NT5C1B: variants seen among roughly 807,000 people sequenced by gnomAD.
NT5C1B encodes the protein 5'-nucleotidase, cytosolic IB.
A neutral mutation model predicts 57.8 loss-of-function variants in NT5C1B; 44 were observed. That is an observed-to-expected ratio of 0.76 (90% CI 0.60 to 0.98). The LOEUF (loss-of-function observed/expected upper bound fraction) is 0.98. NT5C1B is among the 50% of genes least tolerant of loss of function. The probability of loss-of-function intolerance (pLI) is 0.00; values close to 1 mark genes in which losing one functional copy is unlikely to be tolerated. For missense variants in NT5C1B, 742 were observed against 719.5 expected (o/e 1.03, Z -0.36); for synonymous variants, 284 against 282.6 (o/e 1.00, Z -0.05).
intron 8 of NT5C1B, among the ~76,000 whole-genome samples, chr2:18,568,580 C>T (rs907983008): frequency 3.3e-5 from 5 of 152,058 alleles, no homozygotes; most frequent in South Asian, 2.1e-4. Context: ...ATTTACTAGA[C>T]GGTATTTAAT....
chr2:18,580,153 G>A (rs1666055430), intron 6 of NT5C1B, among the ~76,000 whole-genome samples: 1 of 152,152 alleles, frequency 6.6e-6, no homozygotes, highest in African/African-American at 2.4e-5. Context: ...GTGAGGTTGT[G>A]GTTAAAAACG....
chr2:18,584,154 G>A lies in NT5C1B; in HGVS notation c.825C>T (p.Tyr275=). ...TCTCATTGGTGAGCTGATACTCCATGTACTTTTCCAGACCCTCTTGCTCGT... is the reference window on the plus strand; with the variant it reads ...TCTCATTGGTGAGCTGATACTCCATATACTTTTCCAGACCCTCTTGCTCGT... Residue 275 remains tyrosine (Y), a synonymous_variant, in exon 5 of 9, where the codon TAC becomes TAT. Coordinates refer to ENST00000304081, the Ensembl canonical transcript of NT5C1B. This position sits in a 1 kb window ranked among gnomAD's most constrained non-coding sequence, Gnocchi z 5.8. The A allele has an allele frequency of 6.2e-7, 1 of 1,614,188 alleles. No homozygotes were observed. Among genetic ancestry groups the A allele is most frequent in the Non-Finnish European group, 8.5e-7 (1 of 1,180,038 alleles).
chr2:18,563,762 C>T, exon 9 of NT5C1B: 1 of 1,478,182 alleles, frequency 6.8e-7, no homozygotes, highest in Non-Finnish European at 9.0e-7. Context: ...TCTGTAACAC[C>T]AGACTATCAC....
chr2:18,570,531 A>T (rs573168210), intron 8 of NT5C1B, among the ~76,000 whole-genome samples: 1 of 152,236 alleles, frequency 6.6e-6, no homozygotes, highest in Non-Finnish European at 1.5e-5. Flanking sequence ...AAACAGAAGA[A>T]AAGAATGAGA....
At chr2:18,567,709 T>C (rs1257494674) in intron 8 of NT5C1B, among the ~76,000 whole-genome samples, 1 of 152,228 alleles carries the variant, frequency 6.6e-6, no homozygotes, top group East Asian at 1.9e-4. Context: ...CAATAATTGC[T>C]AGTCCCACAG....
At chr2:18,589,520 GCTC>G (rs763460514) in exon 1 of NT5C1B, 6 of 1,613,288 alleles carry the variant, frequency 3.7e-6, no homozygotes, top group Middle Eastern at 1.7e-4. Context: ...TGTCTCCCCA[GCTC>G]CATTTCCTGT....
chr2:18,576,956 C>T, intron 6 of NT5C1B, 61 bp from the exon 7 acceptor site: 1 of 1,602,862 alleles, frequency 6.2e-7, no homozygotes, highest in East Asian at 2.2e-5. Flanking sequence ...GCCGTAAATC[C>T]AAGTAAAAGT....
chr2:18,570,962 A>T (rs1264076547), intron 8 of NT5C1B, among the ~76,000 whole-genome samples: 1 of 152,164 alleles, frequency 6.6e-6, no homozygotes, highest in Non-Finnish European at 1.5e-5. Context: ...AATAGATGCA[A>T]ATCAGGCATT....
intron 6 of NT5C1B, among the ~76,000 whole-genome samples, chr2:18,582,114 C>G (rs970018168): frequency 5.9e-5 from 9 of 152,154 alleles, no homozygotes; most frequent in Admixed American, 3.3e-4. Context: ...TCTCTTTTTA[C>G]TTCATAACAC....
intron 3 of NT5C1B, among the ~76,000 whole-genome samples, chr2:18,585,854 A>T (rs1666655793): frequency 6.6e-6 from 1 of 151,836 alleles, no homozygotes; most frequent in South Asian, 2.1e-4. Context: ...TTAATTGCTT[A>T]TGTGGTCAGG....
intron 5 of NT5C1B, chr2:18,583,292 CT>C: frequency 9.1e-6 from 2 of 220,834 alleles, no homozygotes; most frequent in African/African-American, 2.3e-5. Flanking sequence ...CAGGCTAACC[CT>C]TTTATGCTTT....
intron 8 of NT5C1B, among the ~76,000 whole-genome samples, chr2:18,564,359 G>A (rs1406371074): frequency 6.6e-6 from 1 of 152,130 alleles, no homozygotes; most frequent in Non-Finnish European, 1.5e-5. Flanking sequence ...TATTTAACAT[G>A]TAAACCTATA....
Position 18,563,996 on chromosome 2 carries a change from C to T in NT5C1B, c.1453G>A (p.Gly485Ser), listed in dbSNP as rs1174496005. Residue 485 changes from glycine to serine, a missense_variant, in exon 9 of 9, where the codon GGC becomes AGC. Transcript: ENST00000304081. ...CGAAGGGTCTTCAGCACACGGGCGC[C>T]TGAACTGGCTGCACTCCTAGCTGTA... is the stretch of plus-strand genomic sequence containing the variant. The T allele has an allele frequency of 9.3e-6, 15 of 1,614,198 alleles. No homozygotes were observed. The highest frequency in any genetic ancestry group is 1.2e-5 in the Non-Finnish European group (14 of 1,180,026).
chr2:18,577,992 A>G (rs1665858747), intron 6 of NT5C1B, among the ~76,000 whole-genome samples: 1 of 152,140 alleles, frequency 6.6e-6, no homozygotes, highest in Non-Finnish European at 1.5e-5. Context: ...TGTTACAGAC[A>G]CCTCTATGCA....
chr2:18,584,212 G>A lies in NT5C1B; in HGVS notation c.767C>T (p.Ala256Val), dbSNP rs755813278. 13 of 1,614,068 alleles carry A rather than the reference G, an allele frequency of 8.1e-6. No homozygotes were observed. Among genetic ancestry groups the A allele is most frequent in the South Asian group, 5.5e-5 (5 of 91,086 alleles). ...CCTGCCGTCCACCATGTTGAAGAGC[G>A]CGCAGGATGAGAGAGCAATGGTGAT... Residue 256 changes from alanine to valine, a missense_variant, in exon 5 of 9, where the codon GCG (alanine) becomes GTG (valine). Physicochemically the swap from Ala to Val is moderately conservative, Grantham distance 64 (BLOSUM62 0). Transcript: ENST00000304081. The surrounding 1 kb of genome is among the most constrained non-coding windows in gnomAD (Gnocchi z 5.8).
At chr2:18,566,254 G>T (rs1164444191) in intron 8 of NT5C1B, among the ~76,000 whole-genome samples, 1 of 152,014 alleles carries the variant, frequency 6.6e-6, no homozygotes, top group Non-Finnish European at 1.5e-5. Flanking sequence ...GGGATAATTG[G>T]TGGGTTTCTA....
exon 9 of NT5C1B, chr2:18,563,664 G>C: frequency 2.9e-6 from 3 of 1,046,090 alleles, no homozygotes; most frequent in Non-Finnish European, 3.9e-6. Flanking sequence ...AAAAAATCAG[G>C]AGAAAACCTT....
Position 18,584,843 on chromosome 2 carries a change from G to A in NT5C1B, c.394C>T (p.Arg132Trp), listed in dbSNP as rs1311802660. The change falls in exon 4 of 9, where the codon CGG becomes TGG. Residue 132 changes from arginine to tryptophan, a missense_variant. Arg to Trp is a moderately radical substitution (Grantham distance 101). Transcript: ENST00000304081. This position sits in a 1 kb window ranked among gnomAD's most constrained non-coding sequence, Gnocchi z 5.8. ...TCGGGCTCTGGGGGCGTGGGAGGCC[G>A]CGAGTCCAGCGACCGGGGCAGCTGG... is the stretch of plus-strand genomic sequence containing the variant. The A allele has an allele frequency of 1.9e-6, 3 of 1,608,878 alleles. No individual in the cohort carries two copies. The highest frequency in any genetic ancestry group is 2.7e-5 in the African/African-American group (2 of 74,834).
Position 18,584,819 on chromosome 2 carries a change from C to A in NT5C1B, c.418G>T (p.Asp140Tyr). The change falls in exon 4 of 9, where the codon GAT (aspartate) becomes TAT (tyrosine). Residue 140 changes from aspartate to tyrosine, a missense_variant. By Grantham distance (160) the Asp-to-Tyr change is radical (BLOSUM62 -3). Coordinates refer to ENST00000304081, the Ensembl canonical transcript of NT5C1B. This position sits in a 1 kb window ranked among gnomAD's most constrained non-coding sequence, Gnocchi z 5.8. ...TTGGTGCTGCGCCGGGAGCCAGGAT[C>A]GGGCTCTGGGGGCGTGGGAGGCCGC... 6.2e-7 allele frequency: 1 copy of A among 1,612,574 alleles called. No homozygotes were observed. Among genetic ancestry groups the A allele is most frequent in the Non-Finnish European group, 8.5e-7 (1 of 1,179,576 alleles).
Sources: allele counts gnomAD v4.1 joint callset (sites outside exome capture counted in the v4.1 genomes callset), GRCh38; gene constraint gnomAD v4.1.1; non-coding constraint Gnocchi (gnomAD v3.1); transcripts MANE v1.5; gene names NCBI Gene and HGNC (gene_info 2026-07-23, HGNC 2026-07-21).